Variants in USP32 observed in about 807,000 individuals in gnomAD.
The protein encoded by USP32 is ubiquitin carboxyl-terminal hydrolase 32.
A neutral mutation model predicts 204.8 loss-of-function variants in USP32; 59 were observed. The ratio of observed to expected loss-of-function variants is 0.29; its 90% CI spans 0.23 to 0.36. The LOEUF is 0.36. Ranked by LOEUF, USP32 falls within the 10% of genes least tolerant of loss-of-function variation. USP32 has a pLI of 1.00. For missense variants in USP32, 1,160 were observed against 1,946.4 expected (o/e 0.60, Z 7.60); for synonymous variants, 517 against 678.4 (o/e 0.76, Z 3.70).
chr17:60,405,760 C>T (rs2089970541), intron 1 of USP32, among the ~76,000 whole-genome samples: 1 of 152,138 alleles, frequency 6.6e-6, no homozygotes, highest in Admixed American at 6.6e-5. Context: ...GAGATCCTGT[C>T]TCAAAACATA....
At chr17:60,352,446 T>A (rs973998752) in intron 1 of USP32, among the ~76,000 whole-genome samples, 1 of 152,204 alleles carries the variant, frequency 6.6e-6, no homozygotes, top group African/African-American at 2.4e-5. Context: ...CCCTTGGATA[T>A]CCTACCTCCA....
At chr17:60,381,801 C>T (rs552184674) in intron 1 of USP32, among the ~76,000 whole-genome samples, 1 of 152,290 alleles carries the variant, frequency 6.6e-6, no homozygotes, top group African/African-American at 2.4e-5. Context: ...TTTAGGGATG[C>T]ATCCAAGGAA....
intron 1 of USP32, among the ~76,000 whole-genome samples, chr17:60,382,230 G>A (rs1039452445): frequency 1.3e-5 from 2 of 152,186 alleles, no homozygotes; most frequent in Admixed American, 6.5e-5. Context: ...AGAGGCCTCC[G>A]CCAGCCAGCA....
intron 1 of USP32, among the ~76,000 whole-genome samples, chr17:60,363,131 T>C (rs981252869): frequency 6.6e-6 from 1 of 151,668 alleles, no homozygotes; most frequent in Admixed American, 6.6e-5. Flanking sequence ...CTCTATTTTT[T>C]AAAAAATATT....
chr17:60,383,800 G>A (rs1488356073), intron 1 of USP32, among the ~76,000 whole-genome samples: 1 of 152,262 alleles, frequency 6.6e-6, no homozygotes, highest in Non-Finnish European at 1.5e-5. Flanking sequence ...TACTACAATT[G>A]AGGTTGGAGT....
intron 1 of USP32, chr17:60,421,578 C>T (rs1433494461): frequency 3.0e-6 from 3 of 985,068 alleles, no homozygotes; most frequent in Non-Finnish European, 3.6e-6. Flanking sequence ...AAAGGTGGCT[C>T]GAGTGAGGAA....
rs551018739 is a variant in USP32, at chr17:60,203,870, C to T, written c.3249+1577G>A. 5.9e-5 allele frequency among the ~76,000 whole-genome samples: 9 copies of T among 152,286 alleles called. No individual in the cohort carries two copies. In the East Asian group the frequency reaches 1.2e-3, roughly 20 times the overall value. ...GATTACAGGCATGAGCCACTGTGCC[C>T]GGCCTTTCCTTTACTTTATAAAATT... On this transcript the variant is annotated intron_variant, in intron 26 of 33. Coordinates refer to ENST00000300896, the MANE Select transcript of USP32 (RefSeq NM_032582.4).
chr17:60,288,796 A>G (rs1217659755), intron 4 of USP32, 114 bp from the exon 5 acceptor site: 1 of 842,892 alleles, frequency 1.2e-6, no homozygotes, highest in Non-Finnish European at 1.8e-6. Flanking sequence ...CTGTCTACAA[A>G]GGAAGGATTA....
intron 1 of USP32, among the ~76,000 whole-genome samples, chr17:60,410,670 AAAAT>A (rs560644959): frequency 1.3e-5 from 2 of 152,330 alleles, no homozygotes; most frequent in African/African-American, 4.8e-5. Context: ...ACTGTCTCAA[AAAAT>A]AAATAAAGAA....
In USP32 at chr17:60,271,688, A is replaced by C. The variant is rs1356796311; in HGVS notation, c.572-207T>G. Reference sequence around the variant, plus strand: ...AAAATAAACAAAATGAAGCTTTAAAACAGAAAAAAGAAATCTACAATTCCC... The same window carrying C: ...AAAATAAACAAAATGAAGCTTTAAACCAGAAAAAAGAAATCTACAATTCCC... On this transcript the variant is annotated intron_variant, in intron 5 of 33. Coordinates refer to ENST00000300896, the MANE Select transcript of USP32 (RefSeq NM_032582.4). Among the ~76,000 whole-genome samples the C allele has an allele frequency of 2.0e-5, 3 of 152,202 alleles. No individual in the cohort carries two copies. The East Asian group carries it at 5.8e-4, about 29-fold the overall frequency.
At position 60,252,729 on chromosome 17, in the gene USP32, C is replaced by G. The variant is rs79866252; in HGVS notation, c.1075-287G>C. ...AAAGGGGAAGACATTACCTCAGGAA[C>G]AGATTTCAGAATAATTCTTCTGACA... On this transcript the variant is annotated intron_variant, in intron 10 of 33. Coordinates refer to ENST00000300896, the MANE Select transcript of USP32 (RefSeq NM_032582.4). 4.2e-3 allele frequency among the ~76,000 whole-genome samples: 646 copies of G among 152,204 alleles called. 10 individuals are homozygous for G. The East Asian group carries it at 0.046, about 11-fold the overall frequency.
intron 1 of USP32, among the ~76,000 whole-genome samples, chr17:60,373,693 C>T (rs552199582): frequency 4.6e-5 from 7 of 152,138 alleles, no homozygotes; most frequent in Admixed American, 2.0e-4. Flanking sequence ...TCAAATGATC[C>T]ACCCGCCTCG....
At chr17:60,267,279 C>T (rs934823181) in intron 7 of USP32, among the ~76,000 whole-genome samples, 2 of 151,298 alleles carry the variant, frequency 1.3e-5, no homozygotes, top group Non-Finnish European at 3.0e-5. Context: ...TAGTGGCGGG[C>T]GCCTGTAATC....
chr17:60,197,231 C>T (rs1323721005), intron 27 of USP32, among the ~76,000 whole-genome samples: 8 of 151,848 alleles, frequency 5.3e-5, no homozygotes, highest in Non-Finnish European at 1.2e-4. Context: ...CATCAAAATA[C>T]CCCATATCAT....
At chr17:60,349,618 TATATATTATATA>T (rs1180632310) in intron 1 of USP32, among the ~76,000 whole-genome samples, 17 of 69,468 alleles carry the variant, frequency 2.4e-4, no homozygotes, top group African/African-American at 2.0e-3. Context: ...TATATATATA[TATATATTATATA>T]TATATATATA....
At chr17:60,417,117 C>G (rs548745798) in intron 1 of USP32, among the ~76,000 whole-genome samples, 1 of 152,070 alleles carries the variant, frequency 6.6e-6, no homozygotes, top group South Asian at 2.1e-4. Context: ...TGGTTTTAAC[C>G]GTGTTGGCCA....
chr17:60,295,995 T>C (rs1438165071), intron 3 of USP32, among the ~76,000 whole-genome samples: 2 of 145,856 alleles, frequency 1.4e-5, no homozygotes, highest in East Asian at 1.9e-4. Context: ...CATAAACATG[T>C]TGTATAAAAA....
At chr17:60,279,820 G>A (rs1406282456) in intron 5 of USP32, among the ~76,000 whole-genome samples, 1 of 151,050 alleles carries the variant, frequency 6.6e-6, no homozygotes, top group African/African-American at 2.4e-5. Flanking sequence ...CTGGGCAACA[G>A]AGCCAGAGCC....
chr17:60,391,827 C>CA, intron 1 of USP32, 55 bp downstream of exon 1: 1 of 1,582,498 alleles, frequency 6.3e-7, no homozygotes, highest in South Asian at 1.1e-5. Flanking sequence ...ACCCACCCTC[C>CA]AGGCTGCCCG....
Sources: allele counts gnomAD v4.1 joint callset (sites outside exome capture counted in the v4.1 genomes callset), GRCh38; gene constraint gnomAD v4.1.1; transcripts MANE v1.5; gene names NCBI Gene and HGNC (gene_info 2026-07-23, HGNC 2026-07-21).